SOX6: variants seen among roughly 807,000 people sequenced by gnomAD.
The protein encoded by SOX6 is transcription factor SOX-6.
Under a neutral mutation model 97.8 loss-of-function variants are expected in SOX6, and 11 were observed. That is an observed-to-expected ratio of 0.11 (90% confidence interval 0.07 to 0.19). SOX6 has a LOEUF of 0.19. Among genes scored for constraint, SOX6 ranks in the 10% least tolerant of loss-of-function variants. The probability of loss-of-function intolerance (pLI) is 1.00; values close to 1 mark genes in which losing one functional copy is unlikely to be tolerated. For synonymous variants in SOX6, 360 were observed against 371.4 expected, an observed-to-expected ratio of 0.97 and a Z score of 0.35; for missense variants, 810 against 1,039.5, an observed-to-expected ratio of 0.78 and a Z score of 3.04.
chr11:16,106,136 C>G (rs575578080), intron 7 of SOX6, among the ~76,000 whole-genome samples: 1 of 151,954 alleles, frequency 6.6e-6, no homozygotes, highest in Non-Finnish European at 1.5e-5. Context: ...CCCAAAGCAA[C>G]CTGCAGAGTC....
At chr11:16,044,548 G>A (rs1012706096) in intron 12 of SOX6, among the ~76,000 whole-genome samples, 1 of 152,134 alleles carries the variant, frequency 6.6e-6, no homozygotes, top group African/African-American at 2.4e-5. Flanking sequence ...AATTAAGACT[G>A]ATATTTTGAT....
chr11:16,601,347 G>C (rs955217795), intron 4 of SOX6, among the ~76,000 whole-genome samples: 18 of 152,038 alleles, frequency 1.2e-4, no homozygotes, highest in Admixed American at 9.8e-4. Flanking sequence ...GCCTGATATG[G>C]TATTCTCAGA....
intron 14 of SOX6, among the ~76,000 whole-genome samples, chr11:15,988,018 G>A (rs1853923197): frequency 6.6e-6 from 1 of 152,124 alleles, no homozygotes; most frequent in Admixed American, 6.5e-5. Flanking sequence ...ATCTGTGCAT[G>A]TCCAGATCAC....
At chr11:16,723,800 A>G (rs983673274) in intron 2 of SOX6, among the ~76,000 whole-genome samples, 1 of 152,134 alleles carries the variant, frequency 6.6e-6, no homozygotes, top group Non-Finnish European at 1.5e-5. Flanking sequence ...AAAAAGAAAG[A>G]AAAGTCCAAC....
intron 4 of SOX6, among the ~76,000 whole-genome samples, chr11:16,598,856 C>T (rs77310824): frequency 3.8e-4 from 58 of 151,034 alleles, no homozygotes; most frequent in Admixed American, 2.6e-3. Context: ...ATAGACAATT[C>T]GTCTCTTTAA....
intron 1 of SOX6, among the ~76,000 whole-genome samples, chr11:16,372,528 G>A (rs1396334558): frequency 1.3e-5 from 2 of 151,996 alleles, no homozygotes; most frequent in East Asian, 3.9e-4. Context: ...TGACGGCAAA[G>A]GGTGGGACTT....
chr11:15,997,082 A>G (rs896387899), intron 13 of SOX6, among the ~76,000 whole-genome samples: 16 of 152,164 alleles, frequency 1.1e-4, no homozygotes, highest in African/African-American at 3.9e-4. Flanking sequence ...TTACAAAGAT[A>G]AAAAGGGAAT....
chr11:15,980,154 T>C (rs1853615529), intron 15 of SOX6, among the ~76,000 whole-genome samples: 1 of 152,074 alleles, frequency 6.6e-6, no homozygotes, highest in African/African-American at 2.4e-5. Context: ...TGAATGGTTA[T>C]TCTCATAAAT....
rs562095142 is a variant in SOX6 at position 16,521,034 on chromosome 11, C to T, written n.610-44646G>A. Among the ~76,000 whole-genome samples the T allele has an allele frequency of 1.1e-4, 17 of 152,326 alleles. No individual in the cohort carries two copies. In the East Asian group the frequency reaches 3.3e-3, roughly 29 times the overall value. ...AAGGAGGCCTCCCTGCCTCTGTAGG[C>T]TCCACCTCTGGGGGCAGGGCACCGA... On this transcript the variant is annotated intron_variant and non_coding_transcript_variant, in intron 4 of 5. Transcript: ENST00000524520.
At chr11:16,072,234 C>T (rs1848243541) in intron 9 of SOX6, among the ~76,000 whole-genome samples, 1 of 152,038 alleles carries the variant, frequency 6.6e-6, no homozygotes, top group Non-Finnish European at 1.5e-5. Context: ...AGACAAATAG[C>T]CATTTTAAAA....
At chr11:16,010,632 A>G (rs1453379038) in intron 13 of SOX6, among the ~76,000 whole-genome samples, 7 of 152,094 alleles carry the variant, frequency 4.6e-5, no homozygotes, top group African/African-American at 1.7e-4. Flanking sequence ...TGGAAAGAAT[A>G]TATTTAAAAA....
At chr11:16,041,799 C>A (rs1158179631) in intron 12 of SOX6, among the ~76,000 whole-genome samples, 7 of 152,168 alleles carry the variant, frequency 4.6e-5, no homozygotes, top group Non-Finnish European at 1.0e-4. Flanking sequence ...ATACAAGTTA[C>A]TCCAAAAATG....
intron 1 of SOX6, among the ~76,000 whole-genome samples, chr11:16,462,954 A>C (rs1254305522): frequency 6.6e-6 from 1 of 152,192 alleles, no homozygotes; most frequent in African/African-American, 2.4e-5. Context: ...CTATCACCAT[A>C]AGATGGTTGC....
At chr11:16,485,730 C>CAA (rs1372189298) in intron 4 of SOX6, among the ~76,000 whole-genome samples, 13 of 101,992 alleles carry the variant, frequency 1.3e-4, no homozygotes, top group African/African-American at 4.5e-4. Context: ...GGCTCGGTCT[C>CAA]AAAAAAAAAA....
At chr11:16,336,238 G>A (rs903285723) in intron 2 of SOX6, among the ~76,000 whole-genome samples, 1 of 151,972 alleles carries the variant, frequency 6.6e-6, no homozygotes, top group Non-Finnish European at 1.5e-5. Flanking sequence ...ACATCTCCAT[G>A]GCCTACCACA....
At chr11:16,244,991 A>G (rs558563342) in intron 3 of SOX6, among the ~76,000 whole-genome samples, 1 of 151,938 alleles carries the variant, frequency 6.6e-6, no homozygotes, top group African/African-American at 2.4e-5. Flanking sequence ...ACCAAAAAAG[A>G]AAAGACTTTC....
At chr11:16,170,841 T>G (rs1186423709) in intron 6 of SOX6, among the ~76,000 whole-genome samples, 2 of 151,998 alleles carry the variant, frequency 1.3e-5, no homozygotes, top group East Asian at 3.9e-4. Flanking sequence ...ACATTATCAT[T>G]TATGTACAAA....
chr11:16,289,301 G>A (rs868635457), intron 3 of SOX6, among the ~76,000 whole-genome samples: 20 of 152,004 alleles, frequency 1.3e-4, no homozygotes, highest in Admixed American at 2.0e-4. Flanking sequence ...TCAAGGTGCA[G>A]GATATGTGAC....
At chr11:16,699,747 A>G (rs1186463095) in intron 3 of SOX6, among the ~76,000 whole-genome samples, 4 of 152,154 alleles carry the variant, frequency 2.6e-5, no homozygotes, top group African/African-American at 9.6e-5. Flanking sequence ...ATCACAGAAC[A>G]TTCTTGGAAA....
Sources: gnomAD v4.1 joint callset for allele counts (sites outside exome capture counted in the v4.1 genomes callset) on GRCh38, gnomAD v4.1.1 for gene constraint, MANE v1.5 for transcripts, NCBI Gene and HGNC (gene_info 2026-07-23, HGNC 2026-07-21) for gene names.